The following EPHA6 variants were observed in gnomAD, a reference collection of about 807,000 sequenced individuals.
EPHA6 encodes EPH receptor A6, also known as ephrin type-A receptor 6.
EPHA6 carries 50 observed loss-of-function variants against 112.0 expected under a neutral mutation model. That is an observed-to-expected ratio of 0.45 (90% CI 0.36 to 0.56). The LOEUF (loss-of-function observed/expected upper bound fraction) is 0.56. EPHA6 is among the 20% of genes least tolerant of loss of function. The pLI, the probability that EPHA6 is intolerant of heterozygous loss-of-function variation, is 0.00. For missense variants in EPHA6, 1,280 were observed against 1,417.4 expected (o/e 0.90, Z 1.56); for synonymous variants, 529 against 490.7 (o/e 1.08, Z -1.03).
chr3:97,037,983 A>G (rs940415058), intron 3 of EPHA6, among the ~76,000 whole-genome samples: 33 of 152,014 alleles, frequency 2.2e-4, no homozygotes, highest in Non-Finnish European at 4.4e-5. Context: ...TTATTTATTT[A>G]TTTATTCATT....
intron 2 of EPHA6, among the ~76,000 whole-genome samples, chr3:96,938,643 A>G (rs964617837): frequency 1.1e-4 from 17 of 152,016 alleles, no homozygotes; most frequent in African/African-American, 3.9e-4. Context: ...TTCCAACACT[A>G]TGTTGAATAG....
chr3:96,939,399 T>C (rs989514014), intron 2 of EPHA6, among the ~76,000 whole-genome samples: 7 of 152,244 alleles, frequency 4.6e-5, no homozygotes, highest in African/African-American at 7.2e-5. Flanking sequence ...TGCGTAGAGA[T>C]GTTTGTAGTA....
At chr3:96,992,067 C>T (rs1257078511) in intron 3 of EPHA6, among the ~76,000 whole-genome samples, 1 of 152,112 alleles carries the variant, frequency 6.6e-6, no homozygotes, top group East Asian at 1.9e-4. Context: ...GTCATTCACT[C>T]TGTTTATAAG....
intron 3 of EPHA6, among the ~76,000 whole-genome samples, chr3:97,094,844 A>T (rs1367939043): frequency 6.6e-6 from 1 of 152,156 alleles, no homozygotes; most frequent in Non-Finnish European, 1.5e-5. Context: ...GAAATGTTAA[A>T]GAGTGTAGCC....
At chr3:97,581,964 A>G (rs952681899) in intron 11 of EPHA6, among the ~76,000 whole-genome samples, 3 of 152,282 alleles carry the variant, frequency 2.0e-5, no homozygotes, top group Non-Finnish European at 2.9e-5. Flanking sequence ...ATCTTCCTGT[A>G]TGTTTGCAGG....
intron 10 of EPHA6, among the ~76,000 whole-genome samples, chr3:97,495,913 CT>C (rs937357686): frequency 4.6e-5 from 7 of 152,150 alleles, no homozygotes; most frequent in African/African-American, 1.2e-4. Context: ...TATGGCCGTA[CT>C]TTTTCCCTGG....
At chr3:96,937,767 C>T (rs1199085739) in intron 2 of EPHA6, among the ~76,000 whole-genome samples, 1 of 152,088 alleles carries the variant, frequency 6.6e-6, no homozygotes, top group African/African-American at 2.4e-5. Flanking sequence ...TTTAATCCAT[C>T]TTGAATTAAT....
chr3:97,391,224 G>T (rs1169780908), intron 5 of EPHA6, among the ~76,000 whole-genome samples: 1 of 151,854 alleles, frequency 6.6e-6, no homozygotes, highest in Non-Finnish European at 1.5e-5. Context: ...GTGTCATAGA[G>T]GATTTATAGA....
intron 10 of EPHA6, among the ~76,000 whole-genome samples, chr3:97,506,522 T>G (rs1291818766): frequency 2.0e-5 from 3 of 152,176 alleles, no homozygotes; most frequent in Admixed American, 1.3e-4. Context: ...GAGACCTCTG[T>G]TCTCTTCAGT....
chr3:96,976,274 T>G (rs2042517969), intron 2 of EPHA6, among the ~76,000 whole-genome samples: 1 of 152,126 alleles, frequency 6.6e-6, no homozygotes, highest in African/African-American at 2.4e-5. Context: ...ATTTTATAAT[T>G]CTTTATTGTT....
rs2036054520 is a variant in EPHA6 at position 97,757,508 on chromosome 3, AATATTGGACTGCC to A, written c.*8811_*8823del. ...AAAAAATTCAAATAATAATACATTG[AATATTGGACTGCC>A]ATAGCACTTTAAACATATTAATAAA... On this transcript the variant is annotated 3_prime_UTR_variant, in exon 18 of 18. Transcript: ENST00000389672. 6.6e-6 allele frequency among the ~76,000 whole-genome samples: 1 copy of A among 151,682 alleles called. No individual in the cohort carries two copies. The highest frequency in any genetic ancestry group is 2.4e-5 in the African/African-American group (1 of 41,420).
intron 10 of EPHA6, among the ~76,000 whole-genome samples, chr3:97,500,292 T>A (rs188140747): frequency 0.012 from 1,843 of 151,870 alleles, 68 homozygotes; most frequent in Admixed American, 0.079. Context: ...TATTTTTTTT[T>A]TAAAAAAAGA....
intron 13 of EPHA6, among the ~76,000 whole-genome samples, chr3:97,614,808 G>A (rs1486401009): frequency 1.3e-5 from 2 of 152,120 alleles, no homozygotes; most frequent in African/African-American, 2.4e-5. Context: ...ATGGCTGGGA[G>A]CAAGAAAAGT....
intron 10 of EPHA6, among the ~76,000 whole-genome samples, chr3:97,518,908 A>G (rs1208107085): frequency 6.6e-6 from 1 of 152,052 alleles, no homozygotes; most frequent in Non-Finnish European, 1.5e-5. Context: ...TCCCATGTCA[A>G]GTAAATAATT....
chr3:96,963,672 C>T (rs2042023723), intron 2 of EPHA6, among the ~76,000 whole-genome samples: 1 of 152,102 alleles, frequency 6.6e-6, no homozygotes, highest in Non-Finnish European at 1.5e-5. Flanking sequence ...GCTCTGTTGT[C>T]TCCTGCTAAT....
intron 8 of EPHA6, among the ~76,000 whole-genome samples, chr3:97,477,470 G>T (rs1287868963): frequency 6.8e-6 from 1 of 147,860 alleles, no homozygotes; most frequent in Non-Finnish European, 1.5e-5. Flanking sequence ...GGGGAGGGGA[G>T]GAAGGGAAGG....
intron 14 of EPHA6, among the ~76,000 whole-genome samples, chr3:97,697,023 A>G (rs185963030): frequency 6.6e-6 from 1 of 152,320 alleles, no homozygotes; most frequent in Admixed American, 6.5e-5. Flanking sequence ...TCAGTGCCTC[A>G]CCTTTAAGCT....
At chr3:96,932,162 A>C (rs2040358383) in intron 2 of EPHA6, among the ~76,000 whole-genome samples, 1 of 151,900 alleles carries the variant, frequency 6.6e-6, no homozygotes, top group South Asian at 2.1e-4. Flanking sequence ...GCTTTTCTTC[A>C]TTCTCTGTGG....
At chr3:97,410,377 A>G (rs760861835) in intron 6 of EPHA6, among the ~76,000 whole-genome samples, 10 of 152,040 alleles carry the variant, frequency 6.6e-5, no homozygotes, top group African/African-American at 2.4e-4. Context: ...TGCTCAATAT[A>G]CATTTCTCAT....
Sources: allele counts gnomAD v4.1 joint callset (sites outside exome capture counted in the v4.1 genomes callset), GRCh38; gene constraint gnomAD v4.1.1; transcripts MANE v1.5; gene names NCBI Gene and HGNC (gene_info 2026-07-23, HGNC 2026-07-21).